Variants in ITIH5 observed in about 807,000 individuals in gnomAD.
The protein encoded by ITIH5 is inter-alpha-trypsin inhibitor heavy chain 5.
Under a neutral mutation model 77.5 loss-of-function variants are expected in ITIH5, and 65 were observed. That is an observed-to-expected ratio of 0.84 (90% CI 0.69 to 1.03). ITIH5 has a LOEUF of 1.03. Among genes scored for constraint, ITIH5 ranks in the 50% least tolerant of loss-of-function variants. The pLI is 0.00. For synonymous variants in ITIH5, 525 were observed against 494.3 expected (o/e 1.06, Z -0.82); for missense variants, 1,208 against 1,213.1 (o/e 1.00, Z 0.06).
intron 7 of ITIH5, among the ~76,000 whole-genome samples, chr10:7,605,249 C>T (rs1336414658): frequency 6.6e-6 from 1 of 151,636 alleles, no homozygotes; most frequent in East Asian, 2.0e-4. Flanking sequence ...TCTCATTCTG[C>T]TTGGATCCAA....
intron 5 of ITIH5, among the ~76,000 whole-genome samples, chr10:7,624,181 C>A (rs1209983484): frequency 6.6e-6 from 1 of 152,160 alleles, no homozygotes; most frequent in Non-Finnish European, 1.5e-5. Context: ...CCTCACCCAG[C>A]AAGCACACTT....
At chr10:7,597,969 G>T (rs11255224) in intron 7 of ITIH5, among the ~76,000 whole-genome samples, 16,339 of 151,604 alleles carry the variant, frequency 0.11, 1,064 homozygotes, top group South Asian at 0.19. Flanking sequence ...GAACCAGTTC[G>T]CCATAATGTA....
chr10:7,621,855 C>T (rs1833479414), intron 5 of ITIH5: 1 of 152,142 alleles, frequency 6.6e-6, no homozygotes, highest in Admixed American at 6.5e-5. Context: ...GTGTCACCCG[C>T]AGGGTCATCA....
intron 4 of ITIH5, among the ~76,000 whole-genome samples, chr10:7,639,611 A>C (rs1393763875): frequency 6.6e-6 from 1 of 152,220 alleles, no homozygotes; most frequent in Non-Finnish European, 1.5e-5. Context: ...CCAGGTTCAC[A>C]CCATTTTATC....
intron 7 of ITIH5, among the ~76,000 whole-genome samples, chr10:7,615,065 G>C (rs1171590063): frequency 6.6e-6 from 1 of 152,146 alleles, no homozygotes; most frequent in Non-Finnish European, 1.5e-5. Flanking sequence ...TGGCCAACAT[G>C]ATGAAACCCT....
Position 7,576,638 on chromosome 10 carries a change from T to C in ITIH5, c.1793A>G (p.Lys598Arg), listed in dbSNP as rs1832424693. The C allele has an allele frequency of 1.2e-5, 19 of 1,614,204 alleles. No individual in the cohort carries two copies. The East Asian group carries it at 4.0e-4, about 34-fold the overall frequency. The change falls in exon 10 of 14, where the codon AAG (lysine) becomes AGG (arginine). Residue 598 changes from lysine (K) to arginine (R), a missense_variant. Physicochemically the swap from Lys to Arg is conservative, Grantham distance 26. Coordinates refer to ENST00000397146, the MANE Select transcript of ITIH5 (RefSeq NM_030569.7). ...SWLQSDDEPE[K>R]ERLRQRAQAL... ...CTGGGCCCGCTGCCGCAGCCGCTCC[T>C]TCTCCGGTTCATCGTCACTTTGCAG...
At chr10:7,655,745 G>GACC in intron 1 of ITIH5, 70 bp from the exon 2 acceptor site, 2 of 1,190,046 alleles carry the variant, frequency 1.7e-6, no homozygotes, top group Non-Finnish European at 1.3e-6. Context: ...TGATTGTGAG[G>GACC]TCATTCTCAC....
Position 7,560,034 on chromosome 10 carries a change from T to G in ITIH5, c.*3049A>C. On this transcript the variant is annotated 3_prime_UTR_variant, in exon 14 of 14. Coordinates refer to ENST00000397146, the MANE Select transcript of ITIH5 (RefSeq NM_030569.7). ...GCCCAGCTAATTTTTGTATTTTTAG[T>G]AGAGACGAGGTTTCACCATGTTGGC... The G allele has an allele frequency of 2.9e-6, 1 of 346,434 alleles. No homozygotes were observed. 21.5% of individuals were successfully genotyped at this position (346,434 alleles called of 1,614,324 possible). A position where few individuals can be genotyped will look rare whatever the true frequency, so the allele number is the denominator to read the frequency against.
At position 7,604,021 on chromosome 10, in the gene ITIH5, T is replaced by C. The variant is rs1444455553; in HGVS notation, c.939+11961A>G. 3.3e-5 allele frequency among the ~76,000 whole-genome samples: 5 copies of C among 152,192 alleles called. No homozygotes were observed. In the East Asian group the frequency reaches 9.6e-4, roughly 29 times the overall value. On this transcript the variant is annotated intron_variant, in intron 7 of 13. Coordinates refer to ENST00000397146, the MANE Select transcript of ITIH5 (RefSeq NM_030569.7). ...CGGGGGAATCCCCTGCAGCATAAGT[T>C]GGTGCCACGGCCCTGCAGGAGCTTC...
intron 2 of ITIH5, among the ~76,000 whole-genome samples, chr10:7,651,547 G>A (rs1361593845): frequency 6.6e-6 from 1 of 152,122 alleles, no homozygotes; most frequent in Admixed American, 6.5e-5. Context: ...AGTGGAGGTT[G>A]CAGTGAGCCG....
chr10:7,580,092 A>C, intron 8 of ITIH5, 28 bp from the exon 9 acceptor site: 2 of 1,548,244 alleles, frequency 1.3e-6, no homozygotes, highest in Non-Finnish European at 1.7e-6. Context: ...GGAACAGCTC[A>C]AGCCTCTGCA....
chr10:7,609,447 A>G (rs1288879828), intron 7 of ITIH5: 1 of 456,768 alleles, frequency 2.2e-6, no homozygotes, highest in South Asian at 1.5e-5. Flanking sequence ...AAATATCCAA[A>G]TAGCCCTTGG....
intron 5 of ITIH5, chr10:7,622,600 G>C (rs1833491696): frequency 1.3e-5 from 2 of 151,638 alleles, no homozygotes; most frequent in African/African-American, 4.8e-5. Context: ...ACCACTGAAA[G>C]CTTGAAAAAA....
At chr10:7,641,028 C>T (rs1833877350) in intron 3 of ITIH5, among the ~76,000 whole-genome samples, 173 bp from the exon 4 acceptor site, 1 of 152,170 alleles carries the variant, frequency 6.6e-6, no homozygotes, top group African/African-American at 2.4e-5. Context: ...TATTCTAGGG[C>T]AATTTTCAAC....
chr10:7,601,683 ACCACACAGGGCCGACGG>A (rs1214988515), intron 7 of ITIH5, among the ~76,000 whole-genome samples: 1 of 152,114 alleles, frequency 6.6e-6, no homozygotes, highest in Non-Finnish European at 1.5e-5. Flanking sequence ...GGGGAACGCC[ACCACACAGGGCCGACGG>A]CCATCCCTGA....
At chr10:7,587,608 T>TA (rs1468265164) in intron 7 of ITIH5, among the ~76,000 whole-genome samples, 16 of 152,136 alleles carry the variant, frequency 1.1e-4, no homozygotes, top group African/African-American at 3.9e-4. Context: ...AGGACAGTAA[T>TA]AGTACCTGCC....
At chr10:7,611,255 AT>A (rs1212910346) in intron 7 of ITIH5, among the ~76,000 whole-genome samples, 1 of 152,268 alleles carries the variant, frequency 6.6e-6, no homozygotes, top group Non-Finnish European at 1.5e-5. Context: ...CAACTAAATT[AT>A]TTTAAAGATT....
At chr10:7,601,629 G>T (rs1168596743) in intron 7 of ITIH5, among the ~76,000 whole-genome samples, 1 of 152,222 alleles carries the variant, frequency 6.6e-6, no homozygotes, top group Admixed American at 6.5e-5. Flanking sequence ...GCTTCTGGGG[G>T]TCCTTCCAGG....
At chr10:7,615,623 A>G (rs1007855376) in intron 7 of ITIH5, among the ~76,000 whole-genome samples, 4 of 152,194 alleles carry the variant, frequency 2.6e-5, no homozygotes, top group African/African-American at 9.6e-5. Flanking sequence ...GAGGCTTCCA[A>G]TGATTCTATT....
Sources: gnomAD v4.1 joint callset for allele counts (sites outside exome capture counted in the v4.1 genomes callset) on GRCh38, gnomAD v4.1.1 for gene constraint, MANE v1.5 for transcripts, NCBI Gene and HGNC (gene_info 2026-07-23, HGNC 2026-07-21) for gene names.